GALNT14: variants seen among roughly 807,000 people sequenced by gnomAD.
GALNT14 encodes polypeptide N-acetylgalactosaminyltransferase 14.
GALNT14 carries 60 observed loss-of-function variants against 77.5 expected under a neutral mutation model. That is an observed-to-expected ratio of 0.77 (90% CI 0.63 to 0.96). GALNT14 has a LOEUF of 0.96. GALNT14 is among the 40% of genes least tolerant of loss of function. The pLI is 0.00. For missense variants in GALNT14, 710 were observed against 731.0 expected (o/e 0.97, Z 0.33); for synonymous variants, 280 against 281.7 (o/e 0.99, Z 0.06).
At chr2:30,945,896 G>C in intron 6 of GALNT14, 26 bp from the exon 7 acceptor site, 1 of 1,603,316 alleles carries the variant, frequency 6.2e-7, no homozygotes, top group Non-Finnish European at 8.5e-7. Context: ...CCCGCACTTA[G>C]CTTATGGAGA....
At position 31,089,298 on chromosome 2, in the gene GALNT14, G is replaced by C. The variant is rs371219578; in HGVS notation, c.129+48660C>G. ...TGAACTTGAGCTTGATGAGACATTCGGATCACGTTTGCTTCTTTTGAGTCC... is the reference window on the plus strand; with the variant it reads ...TGAACTTGAGCTTGATGAGACATTCCGATCACGTTTGCTTCTTTTGAGTCC... On this transcript the variant is annotated intron_variant, in intron 1 of 14. Transcript: ENST00000349752. Among the ~76,000 whole-genome samples the C allele has an allele frequency of 5.9e-5, 9 of 152,202 alleles. No homozygotes were observed. The East Asian group carries it at 7.7e-4, about 13-fold the overall frequency.
At chr2:30,992,488 G>A (rs1669766588) in intron 2 of GALNT14, among the ~76,000 whole-genome samples, 1 of 152,138 alleles carries the variant, frequency 6.6e-6, no homozygotes, top group South Asian at 2.1e-4. Context: ...ACCCAGCCTC[G>A]GGTGTGGGAA....
rs1481322498 is a variant in GALNT14, at chr2:31,138,112, C to A, written c.-26G>T. The A allele has an allele frequency of 6.2e-7, 1 of 1,613,278 alleles. No individual in the cohort carries two copies. The highest frequency in any genetic ancestry group is 2.2e-5 in the East Asian group (1 of 44,826). ...GGTCCCCTTTGCCGCTTCCTCTCCGCGGCGCTACGTCCCGGGGGCACCCCC... is the reference window on the plus strand; with the variant it reads ...GGTCCCCTTTGCCGCTTCCTCTCCGAGGCGCTACGTCCCGGGGGCACCCCC... On this transcript the variant is annotated 5_prime_UTR_variant, in exon 1 of 15. Coordinates refer to ENST00000349752, the MANE Select transcript of GALNT14 (RefSeq NM_024572.4).
Position 31,057,704 on chromosome 2 carries a change from T to C in GALNT14, c.130-64697A>G, listed in dbSNP as rs559783668. On this transcript the variant is annotated intron_variant, in intron 1 of 14. Coordinates refer to ENST00000349752, the MANE Select transcript of GALNT14 (RefSeq NM_024572.4). Reference sequence around the variant, plus strand: ...CTTAGTGAGATGGCAATGGGCCCAATGTTGTCTGCTGTCAGGCTTAGGTCT... The same window carrying C: ...CTTAGTGAGATGGCAATGGGCCCAACGTTGTCTGCTGTCAGGCTTAGGTCT... Among the ~76,000 whole-genome samples, 12 of 152,168 alleles carry C rather than the reference T, an allele frequency of 7.9e-5. No homozygotes were observed. The East Asian group carries it at 1.7e-3, about 22-fold the overall frequency.
intron 1 of GALNT14, among the ~76,000 whole-genome samples, chr2:31,005,102 A>G (rs192113503): frequency 4.6e-5 from 7 of 152,258 alleles, no homozygotes; most frequent in Non-Finnish European, 1.0e-4. Context: ...CTAAGGGAAT[A>G]CAAGGAAAAG....
chr2:31,076,021 A>C (rs1040802771), intron 1 of GALNT14, among the ~76,000 whole-genome samples: 1 of 152,186 alleles, frequency 6.6e-6, no homozygotes, highest in Non-Finnish European at 1.5e-5. Context: ...GAATCAACCT[A>C]TCCGTCTACC....
At chr2:30,952,408 C>T (rs1472546407) in intron 6 of GALNT14, among the ~76,000 whole-genome samples, 1 of 151,390 alleles carries the variant, frequency 6.6e-6, no homozygotes, top group Non-Finnish European at 1.5e-5. Context: ...GGCACATATA[C>T]ACCATGGAAT....
chr2:31,137,599 C>G (rs911704440), intron 1 of GALNT14, among the ~76,000 whole-genome samples: 2 of 151,978 alleles, frequency 1.3e-5, no homozygotes, highest in African/African-American at 2.4e-5. Context: ...TGGCCCGACC[C>G]GACCGCCGGC....
intron 1 of GALNT14, among the ~76,000 whole-genome samples, chr2:31,010,347 C>T (rs1010807689): frequency 2.0e-5 from 3 of 152,196 alleles, no homozygotes; most frequent in African/African-American, 4.8e-5. Context: ...TGCCTGTAAT[C>T]CCAACACTTT....
Position 31,122,541 on chromosome 2 carries a change from G to A in GALNT14, c.129+15417C>T, listed in dbSNP as rs543494874. Among the ~76,000 whole-genome samples the A allele has an allele frequency of 2.0e-5, 3 of 152,298 alleles. No individual in the cohort carries two copies. The East Asian group carries it at 5.8e-4, about 29-fold the overall frequency. ...AACTTTGATTGCACACAGATCACCT[G>A]GGGATCTTACTAAATGCAGACTTTG... On this transcript the variant is annotated intron_variant, in intron 1 of 14. Transcript: ENST00000349752.
At chr2:31,025,310 C>A (rs543610252) in intron 1 of GALNT14, among the ~76,000 whole-genome samples, 2 of 152,172 alleles carry the variant, frequency 1.3e-5, no homozygotes, top group Admixed American at 6.5e-5. Flanking sequence ...CAGTGTCCCT[C>A]CCACCTTGTT....
chr2:31,130,678 C>T (rs1433537436), intron 1 of GALNT14, among the ~76,000 whole-genome samples: 1 of 150,174 alleles, frequency 6.7e-6, no homozygotes, highest in Non-Finnish European at 1.5e-5. Context: ...TCTGAAAAAC[C>T]AAAATACCAG....
At chr2:31,052,680 C>T (rs10194342) in intron 1 of GALNT14, among the ~76,000 whole-genome samples, 49,268 of 152,030 alleles carry the variant, frequency 0.32, 8,692 homozygotes, top group Admixed American at 0.46. Context: ...CTCCACTGCA[C>T]AGGACAGCAC....
intron 3 of GALNT14, among the ~76,000 whole-genome samples, chr2:30,965,292 T>A (rs1667936289): frequency 6.6e-6 from 1 of 152,118 alleles, no homozygotes; most frequent in Non-Finnish European, 1.5e-5. Flanking sequence ...AGCTGTGAAG[T>A]GGGCGTGGCA....
intron 1 of GALNT14, among the ~76,000 whole-genome samples, chr2:31,043,704 CA>C (rs1459038316): frequency 1.3e-5 from 2 of 151,944 alleles, no homozygotes; most frequent in African/African-American, 4.8e-5. Context: ...ATTCATTCAA[CA>C]AGTATATATT....
chr2:31,078,562 G>T (rs956874937), intron 1 of GALNT14, among the ~76,000 whole-genome samples: 1 of 152,124 alleles, frequency 6.6e-6, no homozygotes, highest in Non-Finnish European at 1.5e-5. Flanking sequence ...CCTTCTAAAG[G>T]TTTCTCTTCC....
At chr2:30,940,902 G>A (rs998668164) in intron 9 of GALNT14, among the ~76,000 whole-genome samples, 1 of 152,220 alleles carries the variant, frequency 6.6e-6, no homozygotes, top group Non-Finnish European at 1.5e-5. Context: ...ATCCAGTCTG[G>A]ACCCTGTATG....
At chr2:31,129,779 T>A (rs1678888450) in intron 1 of GALNT14, 2 of 480,032 alleles carry the variant, frequency 4.2e-6, no homozygotes, top group South Asian at 8.8e-5. Flanking sequence ...AGAAGCTACA[T>A]AAATCTTCAG....
At chr2:30,995,856 A>G (rs1449511640) in intron 1 of GALNT14, among the ~76,000 whole-genome samples, 3 of 152,168 alleles carry the variant, frequency 2.0e-5, no homozygotes, top group Admixed American at 6.5e-5. Context: ...AAAAATATGT[A>G]TTATAAATAG....
Sources: allele counts gnomAD v4.1 joint callset (sites outside exome capture counted in the v4.1 genomes callset), GRCh38; gene constraint gnomAD v4.1.1; transcripts MANE v1.5; gene names NCBI Gene and HGNC (gene_info 2026-07-23, HGNC 2026-07-21).